CCSER2: variants seen among roughly 807,000 people sequenced by gnomAD.
CCSER2 encodes the protein coiled-coil serine rich protein 2.
A neutral mutation model predicts 92.3 loss-of-function variants in CCSER2; 46 were observed. The observed-to-expected ratio is 0.50, with a 90% CI of 0.39 to 0.64. The LOEUF is 0.64. Among genes scored for constraint, CCSER2 ranks in the 30% least tolerant of loss-of-function variants. CCSER2 has a pLI of 0.00. For missense variants in CCSER2, 1,244 were observed against 1,238.9 expected, an observed-to-expected ratio of 1.00 and a Z score of -0.06; for synonymous variants, 433 against 431.4, an observed-to-expected ratio of 1.00 and a Z score of -0.04.
intron 9 of CCSER2, among the ~76,000 whole-genome samples, chr10:84,492,538 CT>C (rs1848231453): frequency 6.6e-6 from 1 of 152,084 alleles, no homozygotes; most frequent in African/African-American, 2.4e-5. Context: ...GCATTCTTGC[CT>C]TTTTCCTAAT....
At chr10:84,439,338 T>C (rs1045328274) in intron 6 of CCSER2, among the ~76,000 whole-genome samples, 8 of 152,202 alleles carry the variant, frequency 5.3e-5, no homozygotes, top group African/African-American at 1.9e-4. Context: ...GTCAGATGTA[T>C]AGCAGAAAAT....
chr10:84,447,456 A>T (rs558037357), intron 6 of CCSER2, among the ~76,000 whole-genome samples: 7 of 152,278 alleles, frequency 4.6e-5, no homozygotes, highest in African/African-American at 1.7e-4. Context: ...TTTGTTAGTT[A>T]TATGTGTTGC....
intron 3 of CCSER2, among the ~76,000 whole-genome samples, chr10:84,399,711 A>G (rs1842016277): frequency 6.6e-6 from 1 of 151,016 alleles, no homozygotes; most frequent in East Asian, 1.9e-4. Context: ...ACTTCTAATA[A>G]TTGGCTGTTA....
chr10:84,357,473 G>A (rs907740386), intron 1 of CCSER2, among the ~76,000 whole-genome samples: 6 of 145,310 alleles, frequency 4.1e-5, no homozygotes, highest in African/African-American at 1.3e-4. Flanking sequence ...TTTTTGAGAC[G>A]GAGTCTCTCT....
At chr10:84,455,898 C>T in intron 6 of CCSER2, 1 of 697,264 alleles carries the variant, frequency 1.4e-6, no homozygotes, top group Non-Finnish European at 2.7e-6. Flanking sequence ...TCAAGAAGTT[C>T]TGCTTTCTTC....
At chr10:84,344,566 A>G (rs904059050) in intron 1 of CCSER2, among the ~76,000 whole-genome samples, 32 of 152,150 alleles carry the variant, frequency 2.1e-4, no homozygotes, top group Admixed American at 7.9e-4. Context: ...AGTGGGATGT[A>G]TGTATCATTT....
chr10:84,376,173 T>A (rs1846327027), intron 3 of CCSER2, among the ~76,000 whole-genome samples: 1 of 152,166 alleles, frequency 6.6e-6, no homozygotes, highest in Non-Finnish European at 1.5e-5. Flanking sequence ...GTAGACTGAT[T>A]ACTTTTCATA....
At chr10:84,381,971 T>C (rs1840939789) in intron 3 of CCSER2, among the ~76,000 whole-genome samples, 1 of 151,892 alleles carries the variant, frequency 6.6e-6, no homozygotes, top group Non-Finnish European at 1.5e-5. Context: ...TTGCACTCTT[T>C]GCATGTATTG....
chr10:84,459,345 AT>A lies in CCSER2; in HGVS notation c.2065-4581del, dbSNP rs1845962169. On this transcript the variant is annotated intron_variant, in intron 6 of 9. Transcript: ENST00000372088. Reference sequence around the variant, plus strand: ...TTCTGTGTCTAAATGAGGTTATTTTATTTTTTTCTTTCCTATTCGTTCGCCT... The same window carrying A: ...TTCTGTGTCTAAATGAGGTTATTTTATTTTTTCTTTCCTATTCGTTCGCCT... 2.0e-5 allele frequency among the ~76,000 whole-genome samples: 3 copies of A among 151,616 alleles called. No homozygotes were observed. In the South Asian group the frequency reaches 6.3e-4, roughly 32 times the overall value.
chr10:84,398,430 A>G (rs1291523473), intron 3 of CCSER2, among the ~76,000 whole-genome samples: 4 of 152,160 alleles, frequency 2.6e-5, no homozygotes, highest in Admixed American at 6.5e-5. Context: ...AAATTATTTC[A>G]TTTCTCTGAA....
intron 6 of CCSER2, among the ~76,000 whole-genome samples, chr10:84,442,405 A>G (rs149150398): frequency 6.6e-6 from 1 of 152,236 alleles, no homozygotes; most frequent in Non-Finnish European, 1.5e-5. Flanking sequence ...ATGGAAATTT[A>G]CTAAAATGGA....
chr10:84,449,595 G>A (rs1845144518), intron 6 of CCSER2, among the ~76,000 whole-genome samples: 1 of 151,722 alleles, frequency 6.6e-6, no homozygotes, highest in African/African-American at 2.4e-5. Context: ...GCTCATGCCT[G>A]TATAATCCCA....
At position 84,371,176 on chromosome 10, in the gene CCSER2, T is replaced by C. The variant is rs1846040737; in HGVS notation, c.124T>C (p.Ser42Pro). Reference protein sequence around the residue: ...NGTPVNLLGTSKNSNVKSYIK... With the variant: ...NGTPVNLLGTPKNSNVKSYIK... ...GACACCTGTTAATTTATTAGGAACT[T>C]CCAAGAATAGTAATGTCAAAAGTTA... is the stretch of plus-strand genomic sequence containing the variant. The change falls in exon 2 of 10, where the codon TCC (serine) becomes CCC (proline). Residue 42 changes from serine to proline, a missense_variant. Coordinates refer to ENST00000372088, the MANE Select transcript of CCSER2 (RefSeq NM_001284240.2). 1.9e-6 allele frequency: 3 copies of C among 1,613,504 alleles called. No homozygotes were observed. In the East Asian group the frequency reaches 6.7e-5, roughly 36 times the overall value.
chr10:84,505,438 G>T (rs1339465308), intron 9 of CCSER2, among the ~76,000 whole-genome samples: 2 of 152,036 alleles, frequency 1.3e-5, no homozygotes, highest in South Asian at 2.1e-4. Context: ...TGCTCATAAT[G>T]TATAAATTAA....
At chr10:84,473,883 G>A (rs1846969927) in intron 8 of CCSER2, among the ~76,000 whole-genome samples, 1 of 152,016 alleles carries the variant, frequency 6.6e-6, no homozygotes, top group South Asian at 2.1e-4. Flanking sequence ...TTCCCTTTCA[G>A]TTATAGCCTT....
chr10:84,348,911 A>T (rs1179974744), intron 1 of CCSER2, among the ~76,000 whole-genome samples: 1 of 152,106 alleles, frequency 6.6e-6, no homozygotes, highest in East Asian at 1.9e-4. Context: ...ATATATGTTT[A>T]TATGCATATT....
intron 9 of CCSER2, among the ~76,000 whole-genome samples, chr10:84,484,397 G>A (rs1199146325): frequency 6.6e-6 from 1 of 152,018 alleles, no homozygotes; most frequent in Non-Finnish European, 1.5e-5. Flanking sequence ...ACAGGCATGA[G>A]CCATCCACCA....
At chr10:84,354,448 A>C (rs1286627215) in intron 1 of CCSER2, among the ~76,000 whole-genome samples, 1 of 152,038 alleles carries the variant, frequency 6.6e-6, no homozygotes, top group Non-Finnish European at 1.5e-5. Context: ...TATATGTGGA[A>C]TTTGACACTA....
chr10:84,445,441 C>T (rs1844855378), intron 6 of CCSER2, among the ~76,000 whole-genome samples: 1 of 152,250 alleles, frequency 6.6e-6, no homozygotes, highest in African/African-American at 2.4e-5. Context: ...GCGTGAGCCA[C>T]CGCACCTGGC....
Sources: allele counts gnomAD v4.1 joint callset (sites outside exome capture counted in the v4.1 genomes callset), GRCh38; gene constraint gnomAD v4.1.1; transcripts MANE v1.5; gene names NCBI Gene and HGNC (gene_info 2026-07-23, HGNC 2026-07-21).